SPSB2: variants seen among roughly 807,000 people sequenced by gnomAD.
The protein encoded by SPSB2 is splA/ryanodine receptor domain and SOCS box containing 2.
In SPSB2, 25 loss-of-function variants were observed where a neutral mutation model predicts 19.2. The ratio of observed to expected loss-of-function variants is 1.30; its 90% confidence interval spans 0.95 to 1.82. The LOEUF is 1.82. SPSB2 is among the 40% of genes most tolerant of loss of function. The pLI, the probability that SPSB2 is intolerant of heterozygous loss-of-function variation, is 0.00. For missense variants in SPSB2, 413 were observed against 344.9 expected, an observed-to-expected ratio of 1.20 and a Z score of -1.56; for synonymous variants, 153 against 154.9, an observed-to-expected ratio of 0.99 and a Z score of 0.09.
At chr12:6,871,557 C>T (rs1434182805) in intron 2 of SPSB2, 2 of 567,900 alleles carry the variant, frequency 3.5e-6, no homozygotes, top group Non-Finnish European at 6.2e-6. Context: ...GCCAAGGTGG[C>T]TCTGACAGTG....
At chr12:6,872,132 A>G (rs782378222) in intron 2 of SPSB2, 106 bp downstream of exon 2, 4 of 1,612,972 alleles carry the variant, frequency 2.5e-6, no homozygotes, top group Non-Finnish European at 3.4e-6. Context: ...AGGTTGAGGC[A>G]GGCTGGATGA....
In SPSB2 at chr12:6,872,669, G is replaced by A; in HGVS notation, c.233C>T (p.Ala78Val). 2.5e-6 allele frequency: 4 copies of A among 1,612,404 alleles called. No homozygotes were observed. Among genetic ancestry groups the A allele is most frequent in the Non-Finnish European group, 3.4e-6 (4 of 1,179,994 alleles). Residue 78 changes from alanine (A) to valine (V), a missense_variant, in exon 2 of 3, where the codon GCC (alanine) becomes GTC (valine). Transcript: ENST00000524270. ...RRPVAQSTDG[A>V]RGKRGYSRGL... is the part of the protein sequence containing the mutation. ...CCTTGAATAGCCCCTCTTACCCCGGGCCCCATCAGTGCTCTGGGCCACGGG... is the reference window on the plus strand; with the variant it reads ...CCTTGAATAGCCCCTCTTACCCCGGACCCCATCAGTGCTCTGGGCCACGGG...
At position 6,872,220 on chromosome 12, in the gene SPSB2, G is replaced by A; in HGVS notation, c.664+18C>T. 3 of 1,613,952 alleles carry A rather than the reference G, an allele frequency of 1.9e-6. No homozygotes were observed. The highest frequency in any genetic ancestry group is 2.5e-6 in the Non-Finnish European group (3 of 1,180,014). On this transcript the variant is annotated intron_variant, in intron 2 of 2. Transcript: ENST00000524270. ...ACCAGGGACAGAAAGTTCTCCCCAC[G>A]TCTGCCCCAGGCCTCACCTCTCCTT... is the stretch of plus-strand genomic sequence containing the variant.
In SPSB2 at chr12:6,872,655, C is replaced by T. The variant is rs782089460; in HGVS notation, c.247G>A (p.Gly83Ser). 4.3e-6 allele frequency: 7 copies of T among 1,612,078 alleles called. No homozygotes were observed. The highest frequency in any genetic ancestry group is 4.0e-5 in the African/African-American group (3 of 74,956). The change falls in exon 2 of 3, where the codon GGC becomes AGC. Residue 83 changes from glycine (G) to serine (S), a missense_variant. Physicochemically the swap from Gly to Ser is moderately conservative, Grantham distance 56. Transcript: ENST00000524270. ...CAGGCGTGCAGGCCCCTTGAATAGCCCCTCTTACCCCGGGCCCCATCAGTG... is the reference window on the plus strand; with the variant it reads ...CAGGCGTGCAGGCCCCTTGAATAGCTCCTCTTACCCCGGGCCCCATCAGTG... ...QSTDGARGKRGYSRGLHAWEI... is the reference protein window; with the variant it reads ...QSTDGARGKRSYSRGLHAWEI...
Position 6,872,771 on chromosome 12 carries a change from C to T in SPSB2, c.131G>A (p.Arg44Gln). The T allele has an allele frequency of 1.2e-6, 2 of 1,612,452 alleles. No homozygotes were observed. Reference sequence around the variant, plus strand: ...GTCTTTGGGGTTCCAACCGTGGCGCCGCTGGGCCCCCAGGTCAGGAGGGGG... The same window carrying T: ...GTCTTTGGGGTTCCAACCGTGGCGCTGCTGGGCCCCCAGGTCAGGAGGGGG... ...SAPPPDLGAQ[R>Q]RHGWNPKDCS... The change falls in exon 2 of 3, where the codon CGG becomes CAG. Residue 44 changes from arginine to glutamine, a missense_variant. Physicochemically the swap from Arg to Gln is conservative, Grantham distance 43 (BLOSUM62 1). Transcript: ENST00000524270.
rs782045508 is a variant in SPSB2 at position 6,872,896 on chromosome 12, G to T, written c.6C>A (p.Gly2=). 14 of 1,570,846 alleles carry T rather than the reference G, an allele frequency of 8.9e-6. No individual in the cohort carries two copies. In the South Asian group the frequency reaches 1.1e-4, roughly 13 times the overall value. M[G]QTALAGGSSS... is the part of the protein sequence containing the mutation. ...TGCTGCCCCCTGCCAGAGCTGTCTG[G>T]CCCATGGAGGTGAGGAGCTAGAGGA... The change falls in exon 2 of 3, where the codon GGC becomes GGA. Residue 2 remains glycine, a synonymous_variant. Transcript: ENST00000524270.
chr12:6,871,845 G>C (rs1944601262), intron 2 of SPSB2: 1 of 599,824 alleles, frequency 1.7e-6, no homozygotes. Context: ...AGAGCCCAGG[G>C]AATCCGGTAT....
At chr12:6,871,402 C>G in intron 2 of SPSB2, 83 bp from the exon 3 acceptor site, 2 of 1,449,406 alleles carry the variant, frequency 1.4e-6, no homozygotes, top group South Asian at 1.3e-5. Context: ...TACTCAGATG[C>G]CTTTCTGCTT....
rs782160625 is a variant in SPSB2 at position 6,871,894 on chromosome 12, A to T, written c.664+344T>A. On this transcript the variant is annotated intron_variant, in intron 2 of 2. Transcript: ENST00000524270. ...CTGGCTCTGCCCATCCTTCTTTTGG[A>T]CCTGTACATCAAACCCAGTACCTAA... 2.2e-5 allele frequency: 23 copies of T among 1,048,168 alleles called. No homozygotes were observed. The African/African-American group carries it at 3.2e-4, about 15-fold the overall frequency. The allele number at this position is 1,048,168 out of a possible 1,614,324, so 64.9% of individuals were successfully genotyped here. A position where few individuals can be genotyped will look rare whatever the true frequency, so the allele number is the denominator to read the frequency against.
chr12:6,872,121 G>A, intron 2 of SPSB2, 117 bp downstream of exon 2: 1 of 1,612,732 alleles, frequency 6.2e-7, no homozygotes, highest in Non-Finnish European at 8.5e-7. Flanking sequence ...GCACTGAACA[G>A]AGGTTGAGGC....
rs782027670 is a variant in SPSB2 at position 6,871,262 on chromosome 12, TC to T, written c.721del (p.Asp241IlefsTer16). The T allele has an allele frequency of 1.9e-6, 3 of 1,613,800 alleles. No homozygotes were observed. The highest frequency in any genetic ancestry group is 2.5e-6 in the Non-Finnish European group (3 of 1,179,976). ...GGCAGACACCTGGCCGAGCCGGGTA[TC>T]CCCCAGGTTGTGGCGCACACACAGG... Reference protein sequence around the residue: ...SRLCVRHNLGDTRLGQVSALP... With the variant: ...SRLCVRHNLGXTRLGQVSALP... On this transcript the variant is annotated frameshift_variant, in exon 3 of 3. Transcript: ENST00000524270. LOFTEE classifies it high-confidence loss of function.
chr12:6,871,112 C>A lies in SPSB2; in HGVS notation c.*80G>T. 1 of 1,531,066 alleles carries A rather than the reference C, an allele frequency of 6.5e-7. No individual in the cohort carries two copies. The highest frequency in any genetic ancestry group is 1.2e-5 in the South Asian group (1 of 83,524). The allele number at this position is 1,531,066 out of a possible 1,614,324, so 94.8% of individuals were successfully genotyped here. ...GCCTCACCAGCTTTCAGCAGCTGGT[C>A]TAGGCCAGCAGTGCCTCCCCACCTC... On this transcript the variant is annotated 3_prime_UTR_variant, in exon 3 of 3. Coordinates refer to ENST00000524270, the MANE Select transcript of SPSB2 (RefSeq NM_032641.4).
chr12:6,871,016 CCTTT>C lies in SPSB2; in HGVS notation c.*172_*175del, dbSNP rs1944579392. On this transcript the variant is annotated 3_prime_UTR_variant, in exon 3 of 3. Coordinates refer to ENST00000524270, the MANE Select transcript of SPSB2 (RefSeq NM_032641.4). ...CTGTCATAGCCTTGAACGCCGGCTC[CCTTT>C]CTTCCTCCCTCCAAGTGGCTCTGGG... 2 of 755,480 alleles carry C rather than the reference CCTTT, an allele frequency of 2.6e-6. No individual in the cohort carries two copies. Among genetic ancestry groups the C allele is most frequent in the Middle Eastern group, 3.7e-4 (1 of 2,680 alleles). The allele number at this position is 755,480 out of a possible 1,614,324, so 46.8% of individuals were successfully genotyped here.
chr12:6,871,345 AAG>A, intron 2 of SPSB2, 26 bp from the exon 3 acceptor site: 1 of 1,604,570 alleles, frequency 6.2e-7, no homozygotes, highest in Non-Finnish European at 8.5e-7. Flanking sequence ...AGGGGAATGT[AAG>A]TATGGGTGCA....
intron 2 of SPSB2, 143 bp downstream of exon 2, chr12:6,872,089 TGAAGAC>T (rs1555133612): frequency 6.3e-7 from 1 of 1,593,986 alleles, no homozygotes; most frequent in East Asian, 2.2e-5. Flanking sequence ...ATAACAGCTG[TGAAGAC>T]CCCTAGCCTT....
chr12:6,872,840 G>A lies in SPSB2; in HGVS notation c.62C>T (p.Pro21Leu). The change falls in exon 2 of 3, where the codon CCT becomes CTT. Residue 21 changes from proline to leucine, a missense_variant. Pro to Leu is a moderately conservative substitution (Grantham distance 98). Transcript: ENST00000524270. Reference protein sequence around the residue: ...SSTPTPQALYPDLSCPEGLEE... With the variant: ...SSTPTPQALYLDLSCPEGLEE... ...CAAGCCCTCGGGACAGGAGAGGTCAGGGTACAGGGCCTGTGGCGTGGGGGT... is the reference window on the plus strand; with the variant it reads ...CAAGCCCTCGGGACAGGAGAGGTCAAGGTACAGGGCCTGTGGCGTGGGGGT... The A allele has an allele frequency of 6.2e-7, 1 of 1,611,356 alleles. No homozygotes were observed. Among genetic ancestry groups the A allele is most frequent in the Non-Finnish European group, 8.5e-7 (1 of 1,179,926 alleles).
In SPSB2 at chr12:6,872,880, CT is replaced by C; in HGVS notation, c.21del (p.Gly9AlafsTer89). On this transcript the variant is annotated frameshift_variant, in exon 2 of 3. Transcript: ENST00000524270. LOFTEE classifies it high-confidence loss of function. Reference protein sequence around the residue: MGQTALAGGSSSTPTPQ... With the variant: MGQTALXGGSSSTPTPQ... ...GGCGTGGGGGTGCTGCTGCTGCCCC[CT>C]GCCAGAGCTGTCTGGCCCATGGAGG... is the stretch of plus-strand genomic sequence containing the variant. 1.3e-6 allele frequency: 2 copies of C among 1,585,846 alleles called. No homozygotes were observed. The highest frequency in any genetic ancestry group is 1.7e-6 in the Non-Finnish European group (2 of 1,162,052).
intron 1 of SPSB2, 102 bp downstream of exon 1, chr12:6,873,144 T>A (rs1944633977): frequency 2.1e-6 from 1 of 478,160 alleles, no homozygotes. Flanking sequence ...CCTCGCCCCA[T>A]CTGATCCAGG....
In SPSB2 at chr12:6,872,386, G is replaced by C; in HGVS notation, c.516C>G (p.Asp172Glu). The C allele has an allele frequency of 6.2e-7, 1 of 1,614,214 alleles. No homozygotes were observed. Among genetic ancestry groups the C allele is most frequent in the Non-Finnish European group, 8.5e-7 (1 of 1,180,026 alleles). The change falls in exon 2 of 3, where the codon GAC becomes GAG. Residue 172 changes from aspartate (D) to glutamate (E), a missense_variant. Physicochemically the swap from Asp to Glu is conservative, Grantham distance 45. Transcript: ENST00000524270. ...CGTAGCCCAGAGTTCCCTCCTCCAT[G>C]TCCAGAACCACCAGCAGTCTCTCTG... ...EVPERLLVVLDMEEGTLGYAI... is the reference protein window; with the variant it reads ...EVPERLLVVLEMEEGTLGYAI...
Sources: allele counts gnomAD v4.1 joint callset, GRCh38; gene constraint gnomAD v4.1.1; transcripts MANE v1.5; gene names NCBI Gene and HGNC (gene_info 2026-07-23, HGNC 2026-07-21).